ST3GAL3: variants seen among roughly 807,000 people sequenced by gnomAD.
The protein encoded by ST3GAL3 is ST3 beta-galactoside alpha-2,3-sialyltransferase 3.
In ST3GAL3, 21 loss-of-function variants were observed where a neutral mutation model predicts 50.1. The ratio of observed to expected loss-of-function variants is 0.42; its 90% CI spans 0.30 to 0.60. ST3GAL3 has a LOEUF of 0.60. Among genes scored for constraint, ST3GAL3 ranks in the 20% least tolerant of loss-of-function variants. ST3GAL3 has a pLI of 0.19. For missense variants in ST3GAL3, 353 were observed against 489.4 expected, an observed-to-expected ratio of 0.72 and a Z score of 2.63; for synonymous variants, 183 against 190.0, an observed-to-expected ratio of 0.96 and a Z score of 0.30.
chr1:43,763,664 G>A (rs906675998), intron 2 of ST3GAL3, among the ~76,000 whole-genome samples: 1 of 152,150 alleles, frequency 6.6e-6, no homozygotes, highest in Non-Finnish European at 1.5e-5. Flanking sequence ...ACAGATTAGC[G>A]CTGGAATGAC....
chr1:43,767,055 C>T (rs896095151), intron 2 of ST3GAL3, among the ~76,000 whole-genome samples: 3 of 151,988 alleles, frequency 2.0e-5, no homozygotes, highest in Admixed American at 6.6e-5. Flanking sequence ...GAAATGTGGT[C>T]GGATTTGCAT....
chr1:43,885,157 G>C (rs1387206285), intron 5 of ST3GAL3, among the ~76,000 whole-genome samples: 5 of 152,188 alleles, frequency 3.3e-5, no homozygotes, highest in Non-Finnish European at 5.9e-5. Context: ...TGGTTAGCCT[G>C]ACCCTTATGC....
chr1:43,817,416 CCTTCTCCTT>C (rs148036087), intron 4 of ST3GAL3, among the ~76,000 whole-genome samples: 130,918 of 146,488 alleles, frequency 0.89, 58,668 homozygotes, highest in African/African-American at 0.94. Context: ...TTCTTCTCCT[CCTTCTCCTT>C]CTTCTCCTTC....
chr1:43,853,453 G>A (rs1276395033), intron 5 of ST3GAL3, among the ~76,000 whole-genome samples: 2 of 152,224 alleles, frequency 1.3e-5, no homozygotes, highest in Non-Finnish European at 2.9e-5. Flanking sequence ...AAGTCAAGCA[G>A]TTTGCCCGAG....
chr1:43,716,004 G>C (rs1210108077), intron 1 of ST3GAL3, among the ~76,000 whole-genome samples: 1 of 152,192 alleles, frequency 6.6e-6, no homozygotes, highest in African/African-American at 2.4e-5. Context: ...ACTACACTTT[G>C]AGAACTGCTG....
At chr1:43,754,332 G>T (rs542167909) in intron 2 of ST3GAL3, among the ~76,000 whole-genome samples, 16 of 152,088 alleles carry the variant, frequency 1.1e-4, no homozygotes, top group African/African-American at 3.6e-4. Flanking sequence ...AGCTGAGATT[G>T]CAGGCACCAA....
intron 2 of ST3GAL3, among the ~76,000 whole-genome samples, chr1:43,786,623 A>G (rs527347694): frequency 2.0e-5 from 3 of 152,124 alleles, no homozygotes; most frequent in East Asian, 1.9e-4. Flanking sequence ...ACTGCTTATC[A>G]CTGTTCAGTA....
intron 9 of ST3GAL3, among the ~76,000 whole-genome samples, chr1:43,915,122 A>C (rs561715549): frequency 4.0e-4 from 61 of 152,292 alleles, no homozygotes; most frequent in African/African-American, 1.3e-3. Flanking sequence ...AGAGAAAGAG[A>C]TGTTGCCACA....
intron 1 of ST3GAL3, among the ~76,000 whole-genome samples, chr1:43,718,112 A>T (rs753936061): frequency 1.4e-5 from 2 of 148,106 alleles, no homozygotes; most frequent in Non-Finnish European, 3.0e-5. Flanking sequence ...ACCTCAGGTG[A>T]TCTGCCTGCC....
At chr1:43,799,411 CAG>C (rs1424941206) in intron 3 of ST3GAL3, among the ~76,000 whole-genome samples, 2 of 152,070 alleles carry the variant, frequency 1.3e-5, no homozygotes, top group Non-Finnish European at 2.9e-5. Flanking sequence ...TTATAAACAA[CAG>C]AAATTTATTG....
At chr1:43,814,810 G>T in intron 3 of ST3GAL3, 81 bp from the exon 4 acceptor site, 1 of 1,346,556 alleles carries the variant, frequency 7.4e-7, no homozygotes, top group Non-Finnish European at 1.1e-6. Context: ...GTCTGTCCCT[G>T]TGGTCTAGGT....
At chr1:43,893,780 A>G (rs2076980648) in intron 5 of ST3GAL3, among the ~76,000 whole-genome samples, 1 of 151,818 alleles carries the variant, frequency 6.6e-6, no homozygotes. Context: ...AATGCACTCA[A>G]ATTCCTACTG....
rs370838456 is a variant in ST3GAL3 at position 43,894,483 on chromosome 1, T to C, written c.397+6T>C. 2 of 1,613,476 alleles carry C rather than the reference T, an allele frequency of 1.2e-6. No homozygotes were observed. The highest frequency in any genetic ancestry group is 2.2e-5 in the East Asian group (1 of 44,878). ...TTTTGGGATCAAAGGTCAAGGTATG[T>C]TGGGAACCCTGACCTACATTAACAT... On this transcript the variant is annotated splice_donor_region_variant and intron_variant, in intron 6 of 11. Coordinates refer to ENST00000347631, the MANE Select transcript of ST3GAL3 (RefSeq NM_006279.5).
chr1:43,783,525 C>T (rs1700027203), intron 2 of ST3GAL3, among the ~76,000 whole-genome samples: 1 of 152,220 alleles, frequency 6.6e-6, no homozygotes, highest in Non-Finnish European at 1.5e-5. Context: ...GTGCCCTATT[C>T]AGTACTTGGC....
intron 4 of ST3GAL3, among the ~76,000 whole-genome samples, chr1:43,836,750 C>T (rs868051047): frequency 8.5e-5 from 13 of 152,234 alleles, no homozygotes; most frequent in Admixed American, 7.9e-4. Flanking sequence ...CCGGCAGTCA[C>T]GGAGCCCATT....
intron 4 of ST3GAL3, among the ~76,000 whole-genome samples, chr1:43,821,714 A>G (rs932455592): frequency 6.6e-5 from 10 of 152,180 alleles, no homozygotes; most frequent in African/African-American, 2.4e-4. Context: ...TCAGGCTGCT[A>G]CGTGCAGGCA....
At chr1:43,744,724 T>C (rs1343427142) in intron 2 of ST3GAL3, among the ~76,000 whole-genome samples, 1 of 144,758 alleles carries the variant, frequency 6.9e-6, no homozygotes, top group Non-Finnish European at 1.5e-5. Flanking sequence ...TATAATAGCC[T>C]GGCGTGGTGG....
At chr1:43,914,466 A>G (rs1166330714) in intron 9 of ST3GAL3, 1 of 152,106 alleles carries the variant, frequency 6.6e-6, no homozygotes, top group African/African-American at 2.4e-5. Context: ...GATGATACAA[A>G]TGGTGTGGTG....
intron 9 of ST3GAL3, among the ~76,000 whole-genome samples, chr1:43,905,249 C>T (rs1357857888): frequency 2.9e-5 from 4 of 139,536 alleles, no homozygotes. Flanking sequence ...CCCCCTCCTC[C>T]TCCTGTTCCT....
Sources: gnomAD v4.1 joint callset for allele counts (sites outside exome capture counted in the v4.1 genomes callset) on GRCh38, gnomAD v4.1.1 for gene constraint, MANE v1.5 for transcripts, NCBI Gene and HGNC (gene_info 2026-07-23, HGNC 2026-07-21) for gene names.